Variants in PNPLA1 observed in about 807,000 individuals in gnomAD.
PNPLA1 encodes omega-hydroxyceramide transacylase.
In PNPLA1, 36 loss-of-function variants were observed where a neutral mutation model predicts 51.7. That is an observed-to-expected ratio of 0.70 (90% CI 0.53 to 0.92). The LOEUF (loss-of-function observed/expected upper bound fraction) is 0.92, where lower values mean the gene tolerates loss of function less well. PNPLA1 is among the 40% of genes least tolerant of loss of function. The probability of loss-of-function intolerance (pLI) is 0.00; values close to 1 mark genes in which losing one functional copy is unlikely to be tolerated. For missense variants in PNPLA1, 658 were observed against 682.5 expected (o/e 0.96, Z 0.40); for synonymous variants, 293 against 280.1 (o/e 1.05, Z -0.46).
intron 5 of PNPLA1, among the ~76,000 whole-genome samples, chr6:36,298,334 T>C (rs1770922811): frequency 6.6e-6 from 1 of 152,256 alleles, no homozygotes; most frequent in Admixed American, 6.5e-5. Context: ...GGACATATGC[T>C]TTCATTTCTC....
At chr6:36,292,232 G>A (rs1027677503) in intron 2 of PNPLA1, among the ~76,000 whole-genome samples, 1 of 151,914 alleles carries the variant, frequency 6.6e-6, no homozygotes, top group African/African-American at 2.4e-5. Flanking sequence ...ATCCCATACT[G>A]GCCTGGCAGT....
intron 1 of PNPLA1, among the ~76,000 whole-genome samples, chr6:36,252,409 C>T (rs991600225): frequency 6.6e-6 from 1 of 152,068 alleles, no homozygotes; most frequent in Admixed American, 6.6e-5. Context: ...GATGAGGCAG[C>T]CCTGAGCGCA....
At chr6:36,293,035 A>G (rs1301153189) in intron 2 of PNPLA1, 26 bp from the exon 3 acceptor site, 2 of 1,590,942 alleles carry the variant, frequency 1.3e-6, no homozygotes, top group Admixed American at 1.7e-5. Flanking sequence ...GGCCTCCAGC[A>G]TCTCAGCCCT....
rs1488130636 is a variant in PNPLA1, at chr6:36,307,719, A to G, written c.1595+7A>G. 1.9e-6 allele frequency: 3 copies of G among 1,613,626 alleles called. No homozygotes were observed. Among genetic ancestry groups the G allele is most frequent in the Non-Finnish European group, 2.5e-6 (3 of 1,179,756 alleles). ...AACCAAGCAGCAAAGTGCAGTGAGC[A>G]TGTCTAATGTTCCTTAAATCCCACG... On this transcript the variant is annotated splice_region_variant and intron_variant, in intron 8 of 8. Coordinates refer to ENST00000636260, the MANE Select transcript of PNPLA1 (RefSeq NM_001374623.1).
chr6:36,308,791 C>T (rs2127356969), intron 8 of PNPLA1, among the ~76,000 whole-genome samples: 1 of 152,244 alleles, frequency 6.6e-6, no homozygotes, highest in African/African-American at 2.4e-5. Flanking sequence ...CAGATTCAAA[C>T]CAAGTCGGGT....
intron 1 of PNPLA1, among the ~76,000 whole-genome samples, chr6:36,278,421 AGT>A (rs1770176115): frequency 6.6e-6 from 1 of 152,248 alleles, no homozygotes; most frequent in Admixed American, 6.5e-5. Context: ...AGAATGTTAC[AGT>A]GTCAAGGTCA....
At chr6:36,305,413 T>C (rs942099148) in intron 6 of PNPLA1, among the ~76,000 whole-genome samples, 2 of 152,184 alleles carry the variant, frequency 1.3e-5, no homozygotes, top group Non-Finnish European at 2.9e-5. Context: ...ACAAGCCTCA[T>C]TGTGAATAGA....
At position 36,302,230 on chromosome 6, in the gene PNPLA1, G is replaced by T. The variant is rs1771079650; in HGVS notation, c.1145G>T (p.Ser382Ile). The T allele has an allele frequency of 1.2e-6, 2 of 1,614,048 alleles. No individual in the cohort carries two copies. Among genetic ancestry groups the T allele is most frequent in the Non-Finnish European group, 1.7e-6 (2 of 1,180,034 alleles). ...TTCCCAGCTGTGCACAAGCCACCCA[G>T]CTCCACACCTGGTTCATCACTGCCC... Reference protein sequence around the residue: ...VSFPAVHKPPSSTPGSSLPTP... With the variant: ...VSFPAVHKPPISTPGSSLPTP... The change falls in exon 6 of 9, where the codon AGC becomes ATC. Residue 382 changes from serine (S) to isoleucine (I), a missense_variant. Ser to Ile is a moderately radical substitution (Grantham distance 142). Coordinates refer to ENST00000636260, the MANE Select transcript of PNPLA1 (RefSeq NM_001374623.1).
At chr6:36,273,025 C>T (rs955089293) in intron 1 of PNPLA1, among the ~76,000 whole-genome samples, 1 of 151,994 alleles carries the variant, frequency 6.6e-6, no homozygotes, top group Admixed American at 6.6e-5. Flanking sequence ...AAGGCTGAGA[C>T]AGGTGGATCA....
chr6:36,294,470 G>A lies in PNPLA1; in HGVS notation c.714+71G>A. 1.4e-6 allele frequency: 2 copies of A among 1,433,398 alleles called. No individual in the cohort carries two copies. The highest frequency in any genetic ancestry group is 1.9e-6 in the Non-Finnish European group (2 of 1,030,580). The allele number at this position is 1,433,398 out of a possible 1,614,324, so 88.8% of individuals were successfully genotyped here. On this transcript the variant is annotated intron_variant, in intron 4 of 8. Transcript: ENST00000636260. The surrounding 1 kb of genome is among the most constrained non-coding windows in gnomAD (Gnocchi z 4.2). ...CTAGGGGTGGGGTTAGAGAGCCACT[G>A]GGGCCCACTCAAGTTCCATCTGAGT... is the stretch of plus-strand genomic sequence containing the variant.
intron 1 of PNPLA1, among the ~76,000 whole-genome samples, chr6:36,257,449 C>T (rs1266600484): frequency 1.3e-5 from 2 of 152,224 alleles, no homozygotes; most frequent in East Asian, 1.9e-4. Flanking sequence ...GCACATAGGC[C>T]TTGTCCTCAG....
chr6:36,276,770 C>G (rs1036434195), intron 1 of PNPLA1, among the ~76,000 whole-genome samples: 1 of 151,554 alleles, frequency 6.6e-6, no homozygotes, highest in Non-Finnish European at 1.5e-5. Flanking sequence ...TCCTTCCTTC[C>G]TTCCTTCCTT....
intron 1 of PNPLA1, among the ~76,000 whole-genome samples, chr6:36,253,792 A>G (rs531931863): frequency 6.6e-6 from 1 of 152,280 alleles, no homozygotes; most frequent in South Asian, 2.1e-4. Context: ...GTTCTCGATA[A>G]ATAGCAAATT....
chr6:36,259,076 G>A (rs889111169), intron 1 of PNPLA1, among the ~76,000 whole-genome samples: 1 of 152,156 alleles, frequency 6.6e-6, no homozygotes, highest in Admixed American at 6.5e-5. Flanking sequence ...TCATTGTGTT[G>A]TGAACCACAG....
Position 36,303,315 on chromosome 6 carries a change from A to T in PNPLA1, c.1384+846A>T, listed in dbSNP as rs187228230. 3.7e-4 allele frequency among the ~76,000 whole-genome samples: 56 copies of T among 152,230 alleles called. No homozygotes were observed. In the East Asian group the frequency reaches 6.8e-3, roughly 18 times the overall value. On this transcript the variant is annotated intron_variant, in intron 6 of 8. Transcript: ENST00000636260. ...TCACTGTGTTAGCCAGGATGGTCTC[A>T]ATCTCCTGACTTTGTGATCTGCCCG... is the stretch of plus-strand genomic sequence containing the variant.
chr6:36,283,475 T>C (rs1770382319), intron 1 of PNPLA1, among the ~76,000 whole-genome samples: 1 of 152,128 alleles, frequency 6.6e-6, no homozygotes, highest in Admixed American at 6.6e-5. Context: ...GTAACCCAAC[T>C]CTGTCCTTAC....
rs137966238 is a variant in PNPLA1 at position 36,281,241 on chromosome 6, C to T, written c.206-10079C>T. 5.1e-3 allele frequency among the ~76,000 whole-genome samples: 771 copies of T among 152,186 alleles called. 7 individuals are homozygous for T. The highest frequency in any genetic ancestry group is 4.3e-3 in the Non-Finnish European group (291 of 67,996). ...GTGGGTGAGTGTGAGTGGGTGTGTACGTGTATATGTTGCCCAGATGTAACT... is the reference window on the plus strand; with the variant it reads ...GTGGGTGAGTGTGAGTGGGTGTGTATGTGTATATGTTGCCCAGATGTAACT... On this transcript the variant is annotated intron_variant, in intron 1 of 8. Transcript: ENST00000636260.
At chr6:36,247,465 C>A (rs559594329) in intron 1 of PNPLA1, among the ~76,000 whole-genome samples, 2 of 152,348 alleles carry the variant, frequency 1.3e-5, no homozygotes, top group African/African-American at 4.8e-5. Flanking sequence ...AGCATGTTGA[C>A]CCCACGGGGA....
At chr6:36,300,908 C>G (rs183908031) in intron 5 of PNPLA1, among the ~76,000 whole-genome samples, 1 of 152,136 alleles carries the variant, frequency 6.6e-6, no homozygotes, top group Admixed American at 6.5e-5. Context: ...TACTTACCTA[C>G]GTAATATATG....
Sources: allele counts gnomAD v4.1 joint callset (sites outside exome capture counted in the v4.1 genomes callset), GRCh38; gene constraint gnomAD v4.1.1; non-coding constraint Gnocchi (gnomAD v3.1); transcripts MANE v1.5; gene names NCBI Gene and HGNC (gene_info 2026-07-23, HGNC 2026-07-21).